Variants in CSNK2A2 observed in about 807,000 individuals in gnomAD.
CSNK2A2 encodes casein kinase 2 alpha 2.
A neutral mutation model predicts 54.0 loss-of-function variants in CSNK2A2; 8 were observed. The observed-to-expected ratio is 0.15, with a 90% CI of 0.09 to 0.27. The LOEUF (loss-of-function observed/expected upper bound fraction) is 0.27, where lower values mean the gene tolerates loss of function less well. Among genes scored for constraint, CSNK2A2 ranks in the 10% least tolerant of loss-of-function variants. CSNK2A2 has a pLI of 1.00. For missense variants in CSNK2A2, 242 were observed against 439.4 expected, an observed-to-expected ratio of 0.55 and a Z score of 4.02; for synonymous variants, 141 against 153.9, an observed-to-expected ratio of 0.92 and a Z score of 0.62.
intron 4 of CSNK2A2, among the ~76,000 whole-genome samples, chr16:58,182,484 G>A (rs918984362): frequency 6.7e-6 from 1 of 149,674 alleles, no homozygotes. Context: ...GAACCTGGGA[G>A]GGGGAGGTTG....
At chr16:58,158,924 G>A (rs538724638) in intron 11 of CSNK2A2, 1 of 152,374 alleles carries the variant, frequency 6.6e-6, no homozygotes, top group African/African-American at 2.4e-5. Flanking sequence ...GTCCAGCATA[G>A]CAAGTGGGTG....
At chr16:58,161,546 CACAGACACACACACAG>C (rs1961369121) in intron 11 of CSNK2A2, 1 of 150,322 alleles carries the variant, frequency 6.7e-6, no homozygotes, top group African/African-American at 2.5e-5. Context: ...CAGACACACA[CACAGACACACACACAG>C]ACACACACAC....
At position 58,163,886 on chromosome 16, in the gene CSNK2A2, G is replaced by C. The variant is rs923928037; in HGVS notation, c.*17+168C>G. 5.6e-6 allele frequency: 3 copies of C among 534,490 alleles called. No homozygotes were observed. The African/African-American group carries it at 5.8e-5, about 10-fold the overall frequency. The allele number at this position is 534,490 out of a possible 1,614,324, so 33.1% of individuals were successfully genotyped here. On this transcript the variant is annotated intron_variant, in intron 11 of 11. Coordinates refer to ENST00000262506, the MANE Select transcript of CSNK2A2 (RefSeq NM_001896.4). ...GCTGCCACAGTGACAGCTCCCTGGA[G>C]ACTAGCACTGGGGAGTTTCTTTCTT...
rs186663369 is a variant in CSNK2A2, at chr16:58,197,773, G to A, written c.-37C>T. On this transcript the variant is annotated 5_prime_UTR_variant, in exon 1 of 12. Coordinates refer to ENST00000262506, the MANE Select transcript of CSNK2A2 (RefSeq NM_001896.4). The surrounding 1 kb of genome is among the most constrained non-coding windows in gnomAD (Gnocchi z 4.0). ...CCGGGGGGCGGCGCGGGGCGCAGAG[G>A]GTGGCGGCGGCGGCGCGGCGGGGGA... The A allele has an allele frequency of 0.079, 59,531 of 751,706 alleles. 2,645 individuals carry two copies. Among genetic ancestry groups the A allele is most frequent in the South Asian group, 0.22 (4,080 of 18,466 alleles). 46.6% of individuals were successfully genotyped at this position (751,706 alleles called of 1,614,324 possible).
chr16:58,159,981 G>C (rs1054055442), intron 11 of CSNK2A2: 1 of 152,104 alleles, frequency 6.6e-6, no homozygotes, highest in African/African-American at 2.4e-5. Flanking sequence ...ACATTGTTGA[G>C]TCTCAAAACA....
chr16:58,184,843 G>C (rs1301783659), intron 3 of CSNK2A2, among the ~76,000 whole-genome samples: 1 of 152,084 alleles, frequency 6.6e-6, no homozygotes, highest in Non-Finnish European at 1.5e-5. Context: ...TAGGTCTTTT[G>C]GGGGTCCAAA....
intron 2 of CSNK2A2, among the ~76,000 whole-genome samples, chr16:58,195,117 A>G (rs1056293700): frequency 6.6e-6 from 1 of 152,086 alleles, no homozygotes; most frequent in African/African-American, 2.4e-5. Context: ...CAGCTTATTG[A>G]AAACTTATGC....
rs72784076 is a variant in CSNK2A2, at chr16:58,180,318, G to T, written c.369+3942C>A. 3.9e-3 allele frequency among the ~76,000 whole-genome samples: 580 copies of T among 149,526 alleles called. 1 individual carries two copies. Among genetic ancestry groups the T allele is most frequent in the Non-Finnish European group, 6.5e-3 (437 of 67,562 alleles). ...ACGACTGATTTAAAAAGGAGTAAAGGCACAAATACTACTTAAAAATGTGAA... is the reference window on the plus strand; with the variant it reads ...ACGACTGATTTAAAAAGGAGTAAAGTCACAAATACTACTTAAAAATGTGAA... On this transcript the variant is annotated intron_variant, in intron 4 of 11. Transcript: ENST00000262506.
At chr16:58,184,385 C>A in intron 3 of CSNK2A2, 75 bp from the exon 4 acceptor site, 1 of 1,079,448 alleles carries the variant, frequency 9.3e-7, no homozygotes, top group Non-Finnish European at 1.4e-6. Flanking sequence ...CAAAATGGCC[C>A]ATCCCCAAAT....
chr16:58,163,707 G>A (rs1961471998), intron 11 of CSNK2A2: 1 of 163,950 alleles, frequency 6.1e-6, no homozygotes, highest in Non-Finnish European at 1.3e-5. Context: ...GGAATAGATA[G>A]GAAGTCAGAC....
At chr16:58,159,549 G>A (rs1435489117) in intron 11 of CSNK2A2, 1 of 152,228 alleles carries the variant, frequency 6.6e-6, no homozygotes, top group Non-Finnish European at 1.5e-5. Flanking sequence ...GGTCCTCATA[G>A]CAATGGTTTG....
chr16:58,188,361 G>A (rs1285439577), intron 2 of CSNK2A2, among the ~76,000 whole-genome samples: 2 of 152,162 alleles, frequency 1.3e-5, no homozygotes, highest in Admixed American at 6.5e-5. Flanking sequence ...TTTCATTAAC[G>A]AGGGAGCTCG....
chr16:58,182,211 A>G (rs766852012), intron 4 of CSNK2A2, among the ~76,000 whole-genome samples: 1 of 151,932 alleles, frequency 6.6e-6, no homozygotes, highest in South Asian at 2.1e-4. Flanking sequence ...CAGTTGTTAA[A>G]TCAACAGAGC....
chr16:58,177,099 C>T (rs1273899647), intron 4 of CSNK2A2, among the ~76,000 whole-genome samples: 2 of 152,214 alleles, frequency 1.3e-5, no homozygotes. Context: ...ACTCCAACCA[C>T]ATATGAAGTC....
Position 58,184,367 on chromosome 16 carries a change from G to A in CSNK2A2, c.319-57C>T, listed in dbSNP as rs371703352. On this transcript the variant is annotated intron_variant, in intron 3 of 11. Transcript: ENST00000262506. Reference sequence around the variant, plus strand: ...ACCCAAACAATAATCAATGTAATCTGCTTCTGCCAAAATGGCCCATCCCCA... The same window carrying A: ...ACCCAAACAATAATCAATGTAATCTACTTCTGCCAAAATGGCCCATCCCCA... 1,609 of 1,327,688 alleles carry A rather than the reference G, an allele frequency of 1.2e-3. 3 individuals carry two copies. Among genetic ancestry groups the A allele is most frequent in the Non-Finnish European group, 1.6e-3 (1,482 of 943,476 alleles). 82.2% of individuals were successfully genotyped at this position (1,327,688 alleles called of 1,614,324 possible).
intron 11 of CSNK2A2, 78 bp from the exon 12 acceptor site, chr16:58,158,431 G>C (rs1489793200): frequency 6.6e-6 from 1 of 152,464 alleles, no homozygotes; most frequent in Admixed American, 6.5e-5. Context: ...ACGTGTAGGA[G>C]GGCCTGTGCT....
At chr16:58,171,958 C>CATATATATATATATATATATATATAT (rs71155247) in intron 5 of CSNK2A2, among the ~76,000 whole-genome samples, 8 of 31,330 alleles carry the variant, frequency 2.6e-4, no homozygotes, top group Middle Eastern at 0.021. Flanking sequence ...CTGGAGCATG[C>CATATATATATATATATATATATATAT]ATATATATAT....
intron 2 of CSNK2A2, among the ~76,000 whole-genome samples, chr16:58,194,283 T>A (rs1281535748): frequency 6.6e-6 from 1 of 152,236 alleles, no homozygotes. Context: ...ATAGTAGCTA[T>A]TAGTCATAAC....
At position 58,197,112 on chromosome 16, in the gene CSNK2A2, C is replaced by A. The variant is rs181256593; in HGVS notation, c.105-268G>T. On this transcript the variant is annotated intron_variant, in intron 1 of 11. Transcript: ENST00000262506. The surrounding 1 kb of genome is among the most constrained non-coding windows in gnomAD (Gnocchi z 4.0). The stretch of plus-strand genomic sequence containing the variant: ...CCAATCCAGAGGGGCGAGCAAAGCA[C>A]CCGTCCTGAAGGCCTAGAGGGTGCC... 2 of 440,614 alleles carry A rather than the reference C, an allele frequency of 4.5e-6. No individual in the cohort carries two copies. Among genetic ancestry groups the A allele is most frequent in the Admixed American group, 3.4e-5 (1 of 29,456 alleles). The allele number at this position is 440,614 out of a possible 1,614,324, so 27.3% of individuals were successfully genotyped here.
Sources: allele counts gnomAD v4.1 joint callset (sites outside exome capture counted in the v4.1 genomes callset), GRCh38; gene constraint gnomAD v4.1.1; non-coding constraint Gnocchi (gnomAD v3.1); transcripts MANE v1.5; gene names NCBI Gene and HGNC (gene_info 2026-07-23, HGNC 2026-07-21).